PLCL1: variants seen among roughly 807,000 people sequenced by gnomAD.
PLCL1 encodes inactive phospholipase C-like protein 1.
Under a neutral mutation model 84.4 loss-of-function variants are expected in PLCL1, and 41 were observed. The ratio of observed to expected loss-of-function variants is 0.49; its 90% CI spans 0.38 to 0.63. The LOEUF is 0.63. Among genes scored for constraint, PLCL1 ranks in the 30% least tolerant of loss-of-function variants. PLCL1 has a pLI of 0.00. For missense variants in PLCL1, 1,206 were observed against 1,367.8 expected (o/e 0.88, Z 1.87); for synonymous variants, 490 against 488.3 (o/e 1.00, Z -0.05).
intron 1 of PLCL1, among the ~76,000 whole-genome samples, chr2:197,837,233 G>T (rs1263259186): frequency 6.6e-6 from 1 of 152,140 alleles, no homozygotes; most frequent in Admixed American, 6.5e-5. Context: ...TGAGACTCTG[G>T]ATCTCAGGAC....
chr2:198,095,062 A>G (rs1259185532), intron 3 of PLCL1, among the ~76,000 whole-genome samples: 1 of 152,168 alleles, frequency 6.6e-6, no homozygotes, highest in East Asian at 1.9e-4. Context: ...TTCGCAGGCT[A>G]AATACACAAA....
chr2:198,022,801 A>C (rs1269477575), intron 1 of PLCL1, among the ~76,000 whole-genome samples: 1 of 152,248 alleles, frequency 6.6e-6, no homozygotes, highest in Non-Finnish European at 1.5e-5. Context: ...AAGAATCGAT[A>C]TAGTGAAAAT....
chr2:197,941,020 A>T, intron 1 of PLCL1, among the ~76,000 whole-genome samples: 1 of 152,192 alleles, frequency 6.6e-6, no homozygotes, highest in Non-Finnish European at 1.5e-5. Context: ...AAGTTAAAAA[A>T]AAACTAATAA....
At chr2:198,033,335 G>T (rs979334415) in intron 1 of PLCL1, among the ~76,000 whole-genome samples, 2 of 152,130 alleles carry the variant, frequency 1.3e-5, no homozygotes, top group Non-Finnish European at 2.9e-5. Context: ...ATCCCTTATT[G>T]CAGGGAGAGC....
chr2:198,079,498 G>A (rs1692657322), intron 1 of PLCL1, among the ~76,000 whole-genome samples: 1 of 151,954 alleles, frequency 6.6e-6, no homozygotes, highest in African/African-American at 2.4e-5. Context: ...CATAAGATTA[G>A]ATAGAAATTA....
chr2:197,955,389 CTTTATT>C (rs1689464715), intron 1 of PLCL1, among the ~76,000 whole-genome samples: 1 of 150,914 alleles, frequency 6.6e-6, no homozygotes, highest in African/African-American at 2.4e-5. Flanking sequence ...GATTCAACTA[CTTTATT>C]TTTATTTTTT....
intron 5 of PLCL1, among the ~76,000 whole-genome samples, chr2:198,107,948 T>G (rs181889079): frequency 1.3e-5 from 2 of 151,856 alleles, no homozygotes; most frequent in Admixed American, 1.3e-4. Flanking sequence ...CCCCAAGAGC[T>G]GGACAAATGA....
intron 1 of PLCL1, among the ~76,000 whole-genome samples, chr2:197,959,734 T>A (rs147041702): frequency 5.6e-4 from 85 of 152,116 alleles, no homozygotes; most frequent in African/African-American, 1.9e-3. Flanking sequence ...ATTTCTAGTT[T>A]CTTGGGAAAA....
intron 1 of PLCL1, among the ~76,000 whole-genome samples, chr2:198,038,568 C>T (rs762354520): frequency 1.3e-5 from 2 of 151,810 alleles, no homozygotes; most frequent in Non-Finnish European, 2.9e-5. Context: ...AGGCTTGGTC[C>T]CATGGCAGCC....
chr2:197,972,050 C>G (rs1689879377), intron 1 of PLCL1, among the ~76,000 whole-genome samples: 1 of 152,096 alleles, frequency 6.6e-6, no homozygotes, highest in African/African-American at 2.4e-5. Flanking sequence ...GGGTTAGGCT[C>G]CAATTGATTT....
At chr2:198,094,135 C>T (rs949681624) in intron 3 of PLCL1, among the ~76,000 whole-genome samples, 1 of 152,122 alleles carries the variant, frequency 6.6e-6, no homozygotes, top group African/African-American at 2.4e-5. Context: ...GATCTCAGCT[C>T]ACTGCAAGCT....
chr2:197,950,340 C>T (rs967589421), intron 1 of PLCL1, among the ~76,000 whole-genome samples: 15 of 152,084 alleles, frequency 9.9e-5, no homozygotes, highest in African/African-American at 3.1e-4. Flanking sequence ...GGGGGTCTCT[C>T]GTACCCCGTC....
rs141754368 is a variant in PLCL1, at chr2:197,961,175, A to G, written c.241-122583A>G. ...TATTTGAATATTCATTTTTGTGTGC[A>G]AAGTTTTTTCCTTGATACTTGGATT... On this transcript the variant is annotated intron_variant, in intron 1 of 5. Transcript: ENST00000428675. 1.8e-4 allele frequency among the ~76,000 whole-genome samples: 28 copies of G among 151,572 alleles called. 1 individual carries two copies. In the East Asian group the frequency reaches 5.5e-3, roughly 30 times the overall value.
At chr2:197,968,686 A>C (rs1420092536) in intron 1 of PLCL1, among the ~76,000 whole-genome samples, 1 of 152,214 alleles carries the variant, frequency 6.6e-6, no homozygotes. Context: ...GCAGTCTCTC[A>C]ATACCAGTAC....
intron 1 of PLCL1, among the ~76,000 whole-genome samples, chr2:197,918,195 T>A (rs1688631819): frequency 6.6e-6 from 1 of 152,192 alleles, no homozygotes; most frequent in Non-Finnish European, 1.5e-5. Flanking sequence ...CCCAGTCTGA[T>A]CATGAGAAAA....
chr2:197,866,558 C>G (rs1219282008), intron 1 of PLCL1, among the ~76,000 whole-genome samples: 2 of 152,072 alleles, frequency 1.3e-5, no homozygotes, highest in Admixed American at 6.6e-5. Flanking sequence ...CTGATTTGCC[C>G]ATGGACAGCA....
intron 1 of PLCL1, among the ~76,000 whole-genome samples, chr2:197,868,595 G>T (rs1442534758): frequency 6.6e-6 from 1 of 152,062 alleles, no homozygotes; most frequent in Non-Finnish European, 1.5e-5. Flanking sequence ...CATCTCCTGG[G>T]CGCAAGTGAT....
chr2:197,835,734 C>A (rs1156750466), intron 1 of PLCL1, among the ~76,000 whole-genome samples: 1 of 152,048 alleles, frequency 6.6e-6, no homozygotes, highest in African/African-American at 2.4e-5. Flanking sequence ...CATGAGACAA[C>A]GTATGTAAAT....
chr2:198,039,263 C>T (rs1437464510), intron 1 of PLCL1, among the ~76,000 whole-genome samples: 2 of 152,116 alleles, frequency 1.3e-5, no homozygotes, highest in Non-Finnish European at 2.9e-5. Context: ...ACATGGAAAA[C>T]ATTATTCTAA....
Sources: gnomAD v4.1 joint callset for allele counts (sites outside exome capture counted in the v4.1 genomes callset) on GRCh38, gnomAD v4.1.1 for gene constraint, MANE v1.5 for transcripts, NCBI Gene and HGNC (gene_info 2026-07-23, HGNC 2026-07-21) for gene names.